FOXP2: variants seen among roughly 807,000 people sequenced by gnomAD.
FOXP2 encodes the protein forkhead box P2.
In FOXP2, 12 loss-of-function variants were observed where a neutral mutation model predicts 115.8. The ratio of observed to expected loss-of-function variants is 0.10; its 90% CI spans 0.07 to 0.17. The LOEUF (loss-of-function observed/expected upper bound fraction) is 0.17. FOXP2 is among the 10% of genes least tolerant of loss of function. FOXP2 has a pLI of 1.00. For missense variants in FOXP2, 629 were observed against 843.5 expected (o/e 0.75, Z 3.15); for synonymous variants, 328 against 297.7 (o/e 1.10, Z -1.05).
rs1215675912 is a variant in FOXP2, at chr7:114,369,015, G to A, written c.-10-57487G>A. On this transcript the variant is annotated intron_variant, in intron 2 of 17. Coordinates refer to the FOXP2 transcript ENST00000634411. ...GCTGCTAGACCGAAGTTGGAGGATC[G>A]AGCCACTTAAGACAGTGCACTTCCA... 2.0e-5 allele frequency among the ~76,000 whole-genome samples: 3 copies of A among 152,166 alleles called. No homozygotes were observed. The South Asian group carries it at 6.2e-4, about 31-fold the overall frequency.
At chr7:114,407,837 A>G (rs530035293) in intron 2 of FOXP2, among the ~76,000 whole-genome samples, 121 of 152,244 alleles carry the variant, frequency 7.9e-4, no homozygotes, top group Middle Eastern at 3.4e-3. Context: ...GTAAAGCTGT[A>G]AAAGCCCCAA....
chr7:114,471,565 A>C (rs2129230682), intron 2 of FOXP2, among the ~76,000 whole-genome samples: 1 of 152,288 alleles, frequency 6.6e-6, no homozygotes, highest in Admixed American at 6.5e-5. Flanking sequence ...CCTCATGAAA[A>C]GTTTCTTGAT....
At chr7:114,108,059 T>C (rs927324696) in intron 1 of FOXP2, among the ~76,000 whole-genome samples, 1 of 152,012 alleles carries the variant, frequency 6.6e-6, no homozygotes, top group African/African-American at 2.4e-5. Flanking sequence ...AAGTTAGTTT[T>C]GTTCCTAATT....
intron 2 of FOXP2, among the ~76,000 whole-genome samples, chr7:114,458,843 A>T (rs79203159): frequency 6.6e-6 from 1 of 152,042 alleles, no homozygotes; most frequent in Non-Finnish European, 1.5e-5. Context: ...AAAAAACCAT[A>T]CTAAACTTAG....
At chr7:114,172,091 G>A (rs1266929835) in intron 1 of FOXP2, among the ~76,000 whole-genome samples, 2 of 152,120 alleles carry the variant, frequency 1.3e-5, no homozygotes, top group African/African-American at 4.8e-5. Flanking sequence ...GCAATTTTGG[G>A]CAATAAAGCA....
chr7:114,120,861 A>G (rs1791545030), intron 1 of FOXP2, among the ~76,000 whole-genome samples: 1 of 152,080 alleles, frequency 6.6e-6, no homozygotes, highest in African/African-American at 2.4e-5. Flanking sequence ...GGGCATAGCA[A>G]GAATTTAAAG....
chr7:114,642,809 TA>T (rs1224177962), intron 7 of FOXP2, among the ~76,000 whole-genome samples, 186 bp downstream of exon 7: 253 of 37,746 alleles, frequency 6.7e-3, no homozygotes, highest in Middle Eastern at 0.014. Context: ...TATATATATA[TA>T]TATTTTTTTT....
chr7:114,271,973 A>T (rs182715514), intron 1 of FOXP2, among the ~76,000 whole-genome samples: 2 of 132,652 alleles, frequency 1.5e-5, no homozygotes, highest in East Asian at 4.2e-4. Context: ...ATTATATATA[A>T]TATAATTATA....
Position 114,690,424 on chromosome 7 carries a change from T to C in FOXP2, c.*498T>C, listed in dbSNP as rs556901270. 6.3e-4 allele frequency: 287 copies of C among 453,936 alleles called. 4 individuals are homozygous for C. The highest frequency in any genetic ancestry group is 4.3e-3 in the South Asian group (279 of 64,474). The allele number at this position is 453,936 out of a possible 1,614,324, so 28.1% of individuals were successfully genotyped here. On this transcript the variant is annotated 3_prime_UTR_variant, in exon 17 of 17. Coordinates refer to ENST00000350908, the MANE Select transcript of FOXP2 (RefSeq NM_014491.4). ...TTGTTTTTAATTTGCACAGGAGTAG[T>C]ATCAGAAATTAGTGTCACTGCTTGT...
At chr7:114,170,127 T>C (rs1213581944) in intron 1 of FOXP2, among the ~76,000 whole-genome samples, 2 of 152,218 alleles carry the variant, frequency 1.3e-5, no homozygotes, top group African/African-American at 4.8e-5. Flanking sequence ...TTGGTAATTC[T>C]TGCAATATAT....
intron 3 of FOXP2, among the ~76,000 whole-genome samples, chr7:114,616,927 A>G (rs1487995519): frequency 6.6e-6 from 1 of 152,074 alleles, no homozygotes. Flanking sequence ...ATAAAAATAA[A>G]CATAAAAAAT....
intron 1 of FOXP2, among the ~76,000 whole-genome samples, chr7:114,105,670 C>A (rs1236310603): frequency 2.6e-5 from 4 of 151,956 alleles, no homozygotes; most frequent in Admixed American, 2.0e-4. Context: ...TCACATTATT[C>A]TCTGAGGTGA....
At chr7:114,403,989 A>G (rs1031493675) in intron 2 of FOXP2, among the ~76,000 whole-genome samples, 2 of 152,124 alleles carry the variant, frequency 1.3e-5, no homozygotes, top group Non-Finnish European at 2.9e-5. Context: ...CTGCCCTCCT[A>G]AAGAAGGTGG....
At chr7:114,190,547 G>T (rs1793730248) in intron 1 of FOXP2, among the ~76,000 whole-genome samples, 1 of 152,176 alleles carries the variant, frequency 6.6e-6, no homozygotes, top group South Asian at 2.1e-4. Flanking sequence ...TCATCTTGCA[G>T]ATGGAAAACC....
intron 2 of FOXP2, among the ~76,000 whole-genome samples, chr7:114,393,402 G>C (rs1431902718): frequency 6.6e-6 from 1 of 151,960 alleles, no homozygotes; most frequent in African/African-American, 2.4e-5. Flanking sequence ...CCAGAACAAT[G>C]TGTCAGAGCC....
intron 2 of FOXP2, among the ~76,000 whole-genome samples, chr7:114,389,337 T>C (rs1792530474): frequency 6.6e-6 from 1 of 152,172 alleles, no homozygotes; most frequent in Admixed American, 6.5e-5. Context: ...CTTAACAAGA[T>C]TCTAGGTGAG....
At chr7:114,596,033 G>A (rs1044565867) in intron 3 of FOXP2, among the ~76,000 whole-genome samples, 1 of 151,976 alleles carries the variant, frequency 6.6e-6, no homozygotes, top group African/African-American at 2.4e-5. Context: ...AATACTGAAG[G>A]CATGTCCCAC....
At chr7:114,107,096 G>GT (rs1791137471) in intron 1 of FOXP2, among the ~76,000 whole-genome samples, 1 of 151,942 alleles carries the variant, frequency 6.6e-6, no homozygotes. Flanking sequence ...ATCTTAGGCA[G>GT]TTTCTTTTGT....
At chr7:114,231,522 A>G (rs1462522126) in intron 1 of FOXP2, among the ~76,000 whole-genome samples, 1 of 152,196 alleles carries the variant, frequency 6.6e-6, no homozygotes, top group Non-Finnish European at 1.5e-5. Context: ...TGGCGTGAAG[A>G]CATACCAATA....
Sources: allele counts gnomAD v4.1 joint callset (sites outside exome capture counted in the v4.1 genomes callset), GRCh38; gene constraint gnomAD v4.1.1; transcripts MANE v1.5; gene names NCBI Gene and HGNC (gene_info 2026-07-23, HGNC 2026-07-21).